Variants in ZNF440 observed in about 807,000 individuals in gnomAD.
ZNF440 encodes zinc finger protein 440.
In ZNF440, 47 loss-of-function variants were observed where a neutral mutation model predicts 49.7. The observed-to-expected ratio is 0.95, with a 90% CI of 0.75 to 1.21. ZNF440 has a LOEUF of 1.21. ZNF440 is among the 50% of genes most tolerant of loss of function. The probability of loss-of-function intolerance (pLI) is 0.00; values close to 1 mark genes in which losing one functional copy is unlikely to be tolerated. For missense variants in ZNF440, 703 were observed against 715.0 expected (o/e 0.98, Z 0.19); for synonymous variants, 255 against 237.7 (o/e 1.07, Z -0.67).
intron 1 of ZNF440, among the ~76,000 whole-genome samples, chr19:11,820,532 C>T (rs1282949624): frequency 6.6e-6 from 1 of 152,118 alleles, no homozygotes; most frequent in Admixed American, 6.5e-5. Context: ...CTACACCCTC[C>T]TGTCTTTTCC....
chr19:11,815,132 C>G (rs1975715957), intron 1 of ZNF440, among the ~76,000 whole-genome samples: 2 of 151,966 alleles, frequency 1.3e-5, no homozygotes, highest in South Asian at 4.2e-4. Flanking sequence ...AAAAAATTAA[C>G]TGGGTATGGT....
intron 1 of ZNF440, among the ~76,000 whole-genome samples, chr19:11,829,205 T>G (rs1975903550): frequency 6.6e-6 from 1 of 151,912 alleles, no homozygotes; most frequent in African/African-American, 2.4e-5. Context: ...CAGGTTTTGC[T>G]TAGGAATGTC....
Position 11,832,453 on chromosome 19 carries a change from G to C in ZNF440, c.1277G>C (p.Cys426Ser). ...CACACTGGAGAGAAACCGTATGAATGTAAGGAATGTGGGAAAGCCTTCAGA... is the reference window on the plus strand; with the variant it reads ...CACACTGGAGAGAAACCGTATGAATCTAAGGAATGTGGGAAAGCCTTCAGA... ...RTHTGEKPYE[C>S]KECGKAFRYV... Residue 426 changes from cysteine to serine, a missense_variant, in exon 4 of 4, where the codon TGT becomes TCT. Coordinates refer to ENST00000304060, the MANE Select transcript of ZNF440 (RefSeq NM_152357.3). The C allele has an allele frequency of 6.2e-7, 1 of 1,613,850 alleles. No homozygotes were observed. The highest frequency in any genetic ancestry group is 8.5e-7 in the Non-Finnish European group (1 of 1,179,962).
At position 11,834,276 on chromosome 19, in the gene ZNF440, G is replaced by A. The variant is rs532526306; in HGVS notation, c.*1312G>A. ...TGAGTAGCTGGGACTACAGGCATGC[G>A]CCACCATGCCAGGCTAATTTTTTGT... On this transcript the variant is annotated 3_prime_UTR_variant, in exon 4 of 4. Coordinates refer to ENST00000304060, the MANE Select transcript of ZNF440 (RefSeq NM_152357.3). 60 of 167,132 alleles carry A rather than the reference G, an allele frequency of 3.6e-4. 1 individual carries two copies. The East Asian group carries it at 5.8e-3, about 16-fold the overall frequency. 10.4% of individuals were successfully genotyped at this position (167,132 alleles called of 1,614,324 possible). A position where few individuals can be genotyped will look rare whatever the true frequency, so the allele number is the denominator to read the frequency against.
Position 11,830,292 on chromosome 19 carries a change from G to A in ZNF440, c.13G>A (p.Ala5Thr). Residue 5 changes from alanine (A) to threonine (T), a missense_variant, in exon 2 of 4, where the codon GCT (alanine) becomes ACT (threonine). By Grantham distance (58) the Ala-to-Thr change is moderately conservative. Coordinates refer to ENST00000304060, the MANE Select transcript of ZNF440 (RefSeq NM_152357.3). MDPV[A>T]FKDVAVNFTQ... ...ATGTGAGATGTTTCAGGACCCAGTG[G>A]CTTTTAAGGATGTGGCTGTGAACTT... 1 of 1,614,190 alleles carries A rather than the reference G, an allele frequency of 6.2e-7. No individual in the cohort carries two copies. The highest frequency in any genetic ancestry group is 8.5e-7 in the Non-Finnish European group (1 of 1,180,028).
At position 11,832,982 on chromosome 19, in the gene ZNF440, C is replaced by A. The variant is rs1391869119; in HGVS notation, c.*18C>A. 5.0e-6 allele frequency: 8 copies of A among 1,602,092 alleles called. No individual in the cohort carries two copies. The African/African-American group carries it at 1.1e-4, about 22-fold the overall frequency. ...ACACATAATGCACTCTGTAGAGAGA[C>A]CTTATAAATGTAAGATATGTGGGAG... is the stretch of plus-strand genomic sequence containing the variant. On this transcript the variant is annotated 3_prime_UTR_variant, in exon 4 of 4. Coordinates refer to ENST00000304060, the MANE Select transcript of ZNF440 (RefSeq NM_152357.3).
At chr19:11,823,734 G>A (rs1398417669) in intron 1 of ZNF440, among the ~76,000 whole-genome samples, 2 of 152,108 alleles carry the variant, frequency 1.3e-5, no homozygotes, top group Non-Finnish European at 2.9e-5. Flanking sequence ...AGGCCGAGGT[G>A]GGTGGATCAC....
At chr19:11,821,375 A>G (rs1375675234) in intron 1 of ZNF440, among the ~76,000 whole-genome samples, 1 of 152,114 alleles carries the variant, frequency 6.6e-6, no homozygotes, top group Non-Finnish European at 1.5e-5. Context: ...ACCCCTCGAG[A>G]TGCTCAGCAT....
chr19:11,831,931 G>A lies in ZNF440; in HGVS notation c.755G>A (p.Gly252Glu), dbSNP rs765733465. The change falls in exon 4 of 4, where the codon GGA (glycine) becomes GAA (glutamate). Residue 252 changes from glycine to glutamate, a missense_variant. Transcript: ENST00000304060. ...CGAATACATAAAAGAACTCACACTG[G>A]AGAAAAGCCTTATGAATATCAGGAG... ...THRIHKRTHT[G>E]EKPYEYQECG... The A allele has an allele frequency of 3.7e-6, 6 of 1,613,980 alleles. No homozygotes were observed. The Admixed American group carries it at 6.7e-5, about 18-fold the overall frequency.
chr19:11,820,810 A>G (rs1416548328), intron 1 of ZNF440, among the ~76,000 whole-genome samples: 1 of 152,166 alleles, frequency 6.6e-6, no homozygotes, highest in Non-Finnish European at 1.5e-5. Context: ...GAGGAAAAGG[A>G]GAAATGATTC....
At chr19:11,824,078 G>A (rs1338247946) in intron 1 of ZNF440, among the ~76,000 whole-genome samples, 5 of 151,392 alleles carry the variant, frequency 3.3e-5, no homozygotes, top group Non-Finnish European at 7.4e-5. Context: ...AGCTACTCAG[G>A]AGGCTGAGGT....
Position 11,833,831 on chromosome 19 carries a change from T to A in ZNF440, c.*867T>A. On this transcript the variant is annotated 3_prime_UTR_variant, in exon 4 of 4. Coordinates refer to ENST00000304060, the MANE Select transcript of ZNF440 (RefSeq NM_152357.3). ...ACACTGGAGAAAAACCCTATGAATGTAAGCAGTATGGGAAAGCGTTCAGAC... is the reference window on the plus strand; with the variant it reads ...ACACTGGAGAAAAACCCTATGAATGAAAGCAGTATGGGAAAGCGTTCAGAC... 1 of 716,258 alleles carries A rather than the reference T, an allele frequency of 1.4e-6. No individual in the cohort carries two copies. Among genetic ancestry groups the A allele is most frequent in the Non-Finnish European group, 2.1e-6 (1 of 477,502 alleles). 44.4% of individuals were successfully genotyped at this position (716,258 alleles called of 1,614,324 possible).
chr19:11,819,212 TC>T (rs1975769271), intron 1 of ZNF440, among the ~76,000 whole-genome samples: 1 of 152,124 alleles, frequency 6.6e-6, no homozygotes, highest in South Asian at 2.1e-4. Context: ...TTTCCTGTTT[TC>T]CCTCAGTCAT....
At chr19:11,824,239 G>A (rs977742705) in intron 1 of ZNF440, among the ~76,000 whole-genome samples, 5 of 149,774 alleles carry the variant, frequency 3.3e-5, no homozygotes, top group Non-Finnish European at 4.5e-5. Context: ...AGTTTCAATA[G>A]GATATGCTGT....
Position 11,831,768 on chromosome 19 carries a change from G to A in ZNF440, c.592G>A (p.Gly198Arg). The change falls in exon 4 of 4, where the codon GGA becomes AGA. Residue 198 changes from glycine to arginine, a missense_variant. Gly to Arg is a moderately radical substitution (Grantham distance 125, BLOSUM62 -2). Transcript: ENST00000304060. ...ACACATGGTAATGCACAGTGGGGAT[G>A]GACCTTATAAATGTAAGTTTTGTGG... ...RRHMVMHSGD[G>R]PYKCKFCGKA... 4.3e-6 allele frequency: 7 copies of A among 1,609,296 alleles called. No homozygotes were observed. The highest frequency in any genetic ancestry group is 5.9e-6 in the Non-Finnish European group (7 of 1,176,506).
intron 1 of ZNF440, among the ~76,000 whole-genome samples, chr19:11,828,708 A>C (rs1174199618): frequency 6.9e-6 from 1 of 145,978 alleles, no homozygotes; most frequent in Non-Finnish European, 1.5e-5. Flanking sequence ...TTTTTGAATC[A>C]AGTTTCACTC....
chr19:11,815,844 A>C (rs1489050324), intron 1 of ZNF440: 1 of 152,274 alleles, frequency 6.6e-6, no homozygotes, highest in African/African-American at 2.4e-5. Flanking sequence ...CGGCGGTTGC[A>C]GTCAGCCAAG....
chr19:11,830,498 AG>A, intron 2 of ZNF440, 89 bp downstream of exon 2: 1 of 1,602,308 alleles, frequency 6.2e-7, no homozygotes, highest in Non-Finnish European at 8.5e-7. Flanking sequence ...GAACATAGAC[AG>A]GAAATACTTT....
At chr19:11,824,543 T>A (rs1257713306) in intron 1 of ZNF440, among the ~76,000 whole-genome samples, 1 of 152,180 alleles carries the variant, frequency 6.6e-6, no homozygotes, top group African/African-American at 2.4e-5. Flanking sequence ...TATCGGATTT[T>A]ATTTTAACTC....
Sources: allele counts gnomAD v4.1 joint callset (sites outside exome capture counted in the v4.1 genomes callset), GRCh38; gene constraint gnomAD v4.1.1; transcripts MANE v1.5; gene names NCBI Gene and HGNC (gene_info 2026-07-23, HGNC 2026-07-21).